Variants in DTNB observed in about 807,000 individuals in gnomAD.
DTNB encodes DTN-B.
DTNB carries 63 observed loss-of-function variants against 90.7 expected under a neutral mutation model. The observed-to-expected ratio is 0.69, with a 90% CI of 0.57 to 0.86. The LOEUF (loss-of-function observed/expected upper bound fraction) is 0.86, where lower values mean the gene tolerates loss of function less well. Among genes scored for constraint, DTNB ranks in the 40% least tolerant of loss-of-function variants. The probability of loss-of-function intolerance (pLI) is 0.00; values close to 1 mark genes in which losing one functional copy is unlikely to be tolerated. For synonymous variants in DTNB, 277 were observed against 286.7 expected, an observed-to-expected ratio of 0.97 and a Z score of 0.34; for missense variants, 744 against 807.1, an observed-to-expected ratio of 0.92 and a Z score of 0.95.
chr2:25,552,623 C>T (rs561789504), intron 8 of DTNB, among the ~76,000 whole-genome samples: 2 of 152,168 alleles, frequency 1.3e-5, no homozygotes, highest in South Asian at 4.1e-4. Flanking sequence ...ATCTCATCTA[C>T]TTTTCACAGA....
At chr2:25,488,561 CAG>C (rs1429944086) in intron 9 of DTNB, among the ~76,000 whole-genome samples, 1 of 152,174 alleles carries the variant, frequency 6.6e-6, no homozygotes, top group East Asian at 1.9e-4. Flanking sequence ...GAACAGAACT[CAG>C]ATGAAATGTC....
At chr2:25,650,418 C>T (rs1345915187) in intron 2 of DTNB, among the ~76,000 whole-genome samples, 3 of 152,122 alleles carry the variant, frequency 2.0e-5, no homozygotes, top group Non-Finnish European at 2.9e-5. Context: ...GAAGGGTAGG[C>T]AGAAGCAGTA....
At chr2:25,432,827 C>A (rs1380331700) in intron 14 of DTNB, 59 bp downstream of exon 14, 1 of 1,515,622 alleles carries the variant, frequency 6.6e-7, no homozygotes, top group Non-Finnish European at 8.9e-7. Context: ...TTGGTTTCCT[C>A]AGATAAGTTC....
At chr2:25,513,224 A>T (rs781644447) in intron 9 of DTNB, among the ~76,000 whole-genome samples, 3 of 152,240 alleles carry the variant, frequency 2.0e-5, no homozygotes, top group Non-Finnish European at 2.9e-5. Flanking sequence ...CAAATGAAAT[A>T]CAATCCTGAG....
intron 2 of DTNB, among the ~76,000 whole-genome samples, chr2:25,640,103 A>G (rs1408559925): frequency 6.6e-6 from 1 of 152,224 alleles, no homozygotes; most frequent in Non-Finnish European, 1.5e-5. Context: ...TGACTGTTTG[A>G]GGGGTAAGCG....
intron 9 of DTNB, among the ~76,000 whole-genome samples, chr2:25,518,902 A>G (rs1220107367): frequency 6.6e-6 from 1 of 152,146 alleles, no homozygotes. Context: ...GCAAGCCAGA[A>G]AGAGTATCAG....
At chr2:25,597,117 T>C (rs2064815920) in intron 5 of DTNB, among the ~76,000 whole-genome samples, 2 of 152,176 alleles carry the variant, frequency 1.3e-5, no homozygotes, top group Admixed American at 6.5e-5. Flanking sequence ...AAACATAGCA[T>C]TTTGAAGATT....
chr2:25,637,731 A>G (rs2077404553), intron 3 of DTNB, among the ~76,000 whole-genome samples: 1 of 152,228 alleles, frequency 6.6e-6, no homozygotes, highest in Admixed American at 6.5e-5. Flanking sequence ...GAGGATGTGG[A>G]GAAATAGGAA....
At chr2:25,551,755 G>C (rs2083705425) in intron 8 of DTNB, among the ~76,000 whole-genome samples, 1 of 152,222 alleles carries the variant, frequency 6.6e-6, no homozygotes, top group African/African-American at 2.4e-5. Flanking sequence ...CAACCATCTT[G>C]AAACTGGATC....
chr2:25,409,988 G>T (rs2046191684), intron 16 of DTNB, among the ~76,000 whole-genome samples: 1 of 152,208 alleles, frequency 6.6e-6, no homozygotes, highest in Non-Finnish European at 1.5e-5. Context: ...CCCAGATCAT[G>T]TCTCTATTTT....
intron 9 of DTNB, among the ~76,000 whole-genome samples, chr2:25,526,395 A>ATATATATATATATATATATAT: frequency 3.1e-3 from 155 of 49,792 alleles, no homozygotes; most frequent in Non-Finnish European, 4.3e-3. Context: ...ATATATATAT[A>ATATATATATATATATATATAT]TTTTTTTTTT....
At chr2:25,420,309 C>T (rs2049133342) in intron 15 of DTNB, among the ~76,000 whole-genome samples, 2 of 129,536 alleles carry the variant, frequency 1.5e-5, no homozygotes, top group South Asian at 5.6e-4. Context: ...CATACATACA[C>T]AACTTCCCCC....
chr2:25,635,548 G>A (rs530385772), intron 3 of DTNB, among the ~76,000 whole-genome samples: 17 of 152,252 alleles, frequency 1.1e-4, no homozygotes, highest in African/African-American at 4.1e-4. Context: ...TTCACAGGAG[G>A]AAATCTCAAC....
In DTNB at chr2:25,434,086, G is replaced by T. The variant is rs1351944729; in HGVS notation, c.1258-91C>A. 9.8e-6 allele frequency: 12 copies of T among 1,229,472 alleles called. No homozygotes were observed. In the Admixed American group the frequency reaches 2.7e-4, roughly 28 times the overall value. The allele number at this position is 1,229,472 out of a possible 1,614,324, so 76.2% of individuals were successfully genotyped here. A position where few individuals can be genotyped will look rare whatever the true frequency, so the allele number is the denominator to read the frequency against. ...TGACTGATTTTTAAAAAAGATTTTT[G>T]ACATATAATTTACATATCATAAATC... On this transcript the variant is annotated intron_variant, in intron 12 of 20. Transcript: ENST00000406818.
intron 4 of DTNB, among the ~76,000 whole-genome samples, chr2:25,613,827 G>A (rs191098948): frequency 1.2e-4 from 19 of 152,138 alleles, no homozygotes; most frequent in East Asian, 3.9e-4. Flanking sequence ...GCGTGGTGGC[G>A]CTCACCAGTA....
intron 8 of DTNB, among the ~76,000 whole-genome samples, chr2:25,554,205 T>C (rs980747622): frequency 6.6e-6 from 1 of 152,204 alleles, no homozygotes; most frequent in African/African-American, 2.4e-5. Context: ...TGGGCTGTCA[T>C]CAATTTAGCC....
chr2:25,462,368 C>G (rs2061094702), intron 10 of DTNB, among the ~76,000 whole-genome samples: 1 of 151,824 alleles, frequency 6.6e-6, no homozygotes, highest in Non-Finnish European at 1.5e-5. Flanking sequence ...GGACAAGCCC[C>G]TGACCTTGTC....
At chr2:25,520,926 T>G (rs537951116) in intron 9 of DTNB, among the ~76,000 whole-genome samples, 7 of 152,358 alleles carry the variant, frequency 4.6e-5, no homozygotes, top group African/African-American at 1.4e-4. Flanking sequence ...TTTTTAATTA[T>G]CTAGGTTAAT....
chr2:25,383,690 A>T (rs1181761411), intron 19 of DTNB, 146 bp downstream of exon 19: 1 of 1,527,742 alleles, frequency 6.5e-7, no homozygotes, highest in Non-Finnish European at 8.8e-7. Context: ...TGACTGTCAG[A>T]TGGGAAAAGT....
Sources: allele counts gnomAD v4.1 joint callset (sites outside exome capture counted in the v4.1 genomes callset), GRCh38; gene constraint gnomAD v4.1.1; transcripts MANE v1.5; gene names NCBI Gene and HGNC (gene_info 2026-07-23, HGNC 2026-07-21).